The following STPG2 variants were observed in gnomAD, a reference collection of about 807,000 sequenced individuals.
The protein encoded by STPG2 is sperm-tail PG-rich repeat-containing protein 2.
In STPG2, 56 loss-of-function variants were observed where a neutral mutation model predicts 54.2. That is an observed-to-expected ratio of 1.03 (90% CI 0.83 to 1.29). STPG2 has a LOEUF of 1.29. Ranked by LOEUF, STPG2 falls within the 50% of genes most tolerant of loss-of-function variation. The pLI, the probability that STPG2 is intolerant of heterozygous loss-of-function variation, is 0.00. For missense variants in STPG2, 596 were observed against 544.9 expected (o/e 1.09, Z -0.93); for synonymous variants, 200 against 181.8 (o/e 1.10, Z -0.81).
intron 8 of STPG2, among the ~76,000 whole-genome samples, chr4:97,861,468 C>T (rs1205378927): frequency 1.3e-5 from 2 of 152,098 alleles, no homozygotes; most frequent in African/African-American, 2.4e-5. Context: ...AGAGCTACCA[C>T]ATGATCCAGC....
intron 4 of STPG2, among the ~76,000 whole-genome samples, chr4:97,519,743 G>A (rs1419826321): frequency 6.6e-6 from 1 of 151,744 alleles, no homozygotes; most frequent in Non-Finnish European, 1.5e-5. Flanking sequence ...CACAACACTG[G>A]TGGGAACTAG....
intron 4 of STPG2, among the ~76,000 whole-genome samples, chr4:97,509,821 G>A (rs529524626): frequency 5.8e-4 from 88 of 152,008 alleles, no homozygotes; most frequent in African/African-American, 2.1e-3. Flanking sequence ...AGGTAATCCG[G>A]GTAAAAATGT....
intron 5 of STPG2, among the ~76,000 whole-genome samples, chr4:98,036,512 T>C (rs543795178): frequency 6.6e-6 from 1 of 151,730 alleles, no homozygotes; most frequent in South Asian, 2.1e-4. Context: ...TGCAGGGACA[T>C]GGATGGAGCA....
chr4:97,561,291 T>C (rs1425642348), intron 10 of STPG2, among the ~76,000 whole-genome samples: 2 of 152,120 alleles, frequency 1.3e-5, no homozygotes, highest in Non-Finnish European at 2.9e-5. Flanking sequence ...CACTTTTTGA[T>C]GGGGTTGTTT....
At chr4:97,932,724 C>T (rs759597949) in intron 8 of STPG2, among the ~76,000 whole-genome samples, 14 of 152,160 alleles carry the variant, frequency 9.2e-5, no homozygotes, top group Non-Finnish European at 1.8e-4. Flanking sequence ...GCATAGTATT[C>T]CATAGTGTAT....
intron 10 of STPG2, among the ~76,000 whole-genome samples, chr4:97,636,285 G>A (rs1406469881): frequency 6.8e-6 from 1 of 146,636 alleles, no homozygotes. Context: ...GATGTTCTTT[G>A]AAACCAACGA....
chr4:98,072,712 T>C (rs1000082495), intron 5 of STPG2, among the ~76,000 whole-genome samples: 29 of 152,206 alleles, frequency 1.9e-4, no homozygotes, highest in African/African-American at 6.8e-4. Flanking sequence ...CATTGTCCCA[T>C]TAGGCTAGGA....
chr4:97,452,114 GCCCCCAC>G (rs1729387027), intron 4 of STPG2, among the ~76,000 whole-genome samples: 4 of 17,024 alleles, frequency 2.3e-4, no homozygotes, highest in African/African-American at 1.2e-3. Context: ...CAGGAGCCCC[GCCCCCAC>G]CCCCCCCCCC....
At chr4:97,764,210 C>A (rs1725974014) in intron 9 of STPG2, among the ~76,000 whole-genome samples, 2 of 151,758 alleles carry the variant, frequency 1.3e-5, no homozygotes, top group East Asian at 3.9e-4. Context: ...CTTTTAGAGT[C>A]CTCAACTCAA....
chr4:97,924,204 C>T (rs376304812), intron 8 of STPG2, among the ~76,000 whole-genome samples: 12 of 152,240 alleles, frequency 7.9e-5, no homozygotes, highest in Non-Finnish European at 1.5e-4. Context: ...GAACAAACTC[C>T]GGACACACCA....
chr4:97,968,735 A>G (rs13434650), intron 7 of STPG2, among the ~76,000 whole-genome samples: 39,984 of 152,188 alleles, frequency 0.26, 5,712 homozygotes, highest in Middle Eastern at 0.36. Context: ...AAAATTCAAC[A>G]GCCTTCATGT....
At chr4:97,853,384 A>C (rs2149133236) in intron 8 of STPG2, among the ~76,000 whole-genome samples, 1 of 152,362 alleles carries the variant, frequency 6.6e-6, no homozygotes, top group Admixed American at 6.5e-5. Context: ...TATGTAACAA[A>C]CCTGCACATT....
At chr4:97,950,000 T>C (rs1340071150) in intron 7 of STPG2, among the ~76,000 whole-genome samples, 1 of 152,158 alleles carries the variant, frequency 6.6e-6, no homozygotes, top group African/African-American at 2.4e-5. Flanking sequence ...CAAAAAATTA[T>C]TCTACTTATT....
intron 8 of STPG2, among the ~76,000 whole-genome samples, chr4:97,903,913 A>G (rs1326093481): frequency 2.6e-5 from 4 of 152,220 alleles, no homozygotes; most frequent in African/African-American, 7.2e-5. Flanking sequence ...ATGGCGCACC[A>G]CGAGATTATA....
chr4:97,960,067 C>T (rs1053371597), intron 7 of STPG2, among the ~76,000 whole-genome samples: 1 of 152,116 alleles, frequency 6.6e-6, no homozygotes, highest in Non-Finnish European at 1.5e-5. Context: ...AATTGTGATA[C>T]ATCACATAAA....
chr4:97,973,735 C>T (rs1734412396), intron 6 of STPG2, among the ~76,000 whole-genome samples: 1 of 149,228 alleles, frequency 6.7e-6, no homozygotes, highest in African/African-American at 2.5e-5. Context: ...TGAAAGGAGC[C>T]AACGTAGAGC....
chr4:97,984,979 A>T (rs1004096236), intron 5 of STPG2, among the ~76,000 whole-genome samples: 1 of 152,172 alleles, frequency 6.6e-6, no homozygotes, highest in Non-Finnish European at 1.5e-5. Context: ...TTTCTGGTTT[A>T]TCTTCATCGT....
chr4:97,706,067 G>C (rs13103134), intron 10 of STPG2, among the ~76,000 whole-genome samples: 2,164 of 152,066 alleles, frequency 0.014, 25 homozygotes, highest in Non-Finnish European at 0.022. Flanking sequence ...ATTTTCTCTT[G>C]ATCCAATGAA....
chr4:97,980,181 C>A (rs1163581931), intron 6 of STPG2, among the ~76,000 whole-genome samples: 1 of 152,018 alleles, frequency 6.6e-6, no homozygotes, highest in Non-Finnish European at 1.5e-5. Context: ...AGAGAGAGAT[C>A]ATGCCTCAAA....
Sources: gnomAD v4.1 joint callset for allele counts (sites outside exome capture counted in the v4.1 genomes callset) on GRCh38, gnomAD v4.1.1 for gene constraint, MANE v1.5 for transcripts, NCBI Gene and HGNC (gene_info 2026-07-23, HGNC 2026-07-21) for gene names.